Variants in SYNE2 observed in about 807,000 individuals in gnomAD.
SYNE2 encodes nesprin-2.
A neutral mutation model predicts 856.3 loss-of-function variants in SYNE2; 431 were observed. That is an observed-to-expected ratio of 0.50 (90% CI 0.47 to 0.55). The LOEUF is 0.55. Ranked by LOEUF, SYNE2 falls within the 20% of genes least tolerant of loss-of-function variation. The pLI, the probability that SYNE2 is intolerant of heterozygous loss-of-function variation, is 0.00. For missense variants in SYNE2, 8,129 were observed against 8,023.2 expected (o/e 1.01, Z -0.50); for synonymous variants, 2,923 against 2,872.3 (o/e 1.02, Z -0.56).
chr14:64,218,636 C>T (rs2140332600), intron 109 of SYNE2, 124 bp downstream of exon 109: 1 of 875,070 alleles, frequency 1.1e-6, no homozygotes, highest in Non-Finnish European at 1.8e-6. Context: ...ACTTACCCTA[C>T]AACAACCAAT....
chr14:64,215,252 C>T lies in SYNE2; in HGVS notation c.19334-34C>T, dbSNP rs753175237. The stretch of plus-strand genomic sequence containing the variant: ...TACTTGGGCATTAATCTTCAGGCAC[C>T]TCCAGTGAGGCAAATGACATTGTTC... On this transcript the variant is annotated intron_variant, in intron 106 of 115. Coordinates refer to ENST00000555002, the MANE Select transcript of SYNE2 (RefSeq NM_182914.3). 17 of 1,602,128 alleles carry T rather than the reference C, an allele frequency of 1.1e-5. No individual in the cohort carries two copies. The Admixed American group carries it at 2.0e-4, about 19-fold the overall frequency.
At chr14:64,173,815 CA>C (rs1312990905) in intron 94 of SYNE2, 1 of 560,394 alleles carries the variant, frequency 1.8e-6, no homozygotes, top group Non-Finnish European at 3.1e-6. Context: ...CCTCTAAAAC[CA>C]AATGCCTTTG....
chr14:63,975,984 C>G (rs575319381), intron 11 of SYNE2, among the ~76,000 whole-genome samples: 2 of 152,308 alleles, frequency 1.3e-5, no homozygotes, highest in Admixed American at 1.3e-4. Context: ...TTTGGAGAAG[C>G]AAGCAGTCAG....
In SYNE2 at chr14:64,140,059, A is replaced by G. The variant is rs912250826; in HGVS notation, c.14962A>G (p.Ile4988Val). The G allele has an allele frequency of 3.7e-6, 6 of 1,613,636 alleles. No homozygotes were observed. The African/African-American group carries it at 8.0e-5, about 22-fold the overall frequency. Residue 4988 changes from isoleucine to valine, a missense_variant, in exon 80 of 116, where the codon ATC (isoleucine) becomes GTC (valine). This residue lies in a region of SYNE2 where 5,410 missense variants were observed against 5,284.8 expected (regional missense o/e 1.02). Coordinates refer to ENST00000555002, the MANE Select transcript of SYNE2 (RefSeq NM_182914.3). ...SQDLDTIRSNINNFFEFSKEV... is the reference protein window; with the variant it reads ...SQDLDTIRSNVNNFFEFSKEV... ...GGACTTGGATACAATCAGAAGCAAC[A>G]TCAACAATTTTTTTGTAAGTTGTAA...
chr14:63,788,889 A>G (rs1003899068), intron 1 of SYNE2, among the ~76,000 whole-genome samples: 2 of 152,242 alleles, frequency 1.3e-5, no homozygotes, highest in South Asian at 4.1e-4. Context: ...AAATAAGTGT[A>G]TCAAAGAGAT....
chr14:63,981,340 A>G (rs901700853), intron 16 of SYNE2, among the ~76,000 whole-genome samples, 167 bp downstream of exon 16: 3 of 150,956 alleles, frequency 2.0e-5, no homozygotes, highest in Non-Finnish European at 3.0e-5. Flanking sequence ...ATAATTGCCA[A>G]GAGGTAGTTT....
rs113528572 is a variant in SYNE2, at chr14:64,175,272, G to C, written c.17430+134G>C. ...TTCCAACTCAAGCTGTAATCTGTAA[G>C]TCATGCCAGTTACTTAATGTGAAAT... is the stretch of plus-strand genomic sequence containing the variant. On this transcript the variant is annotated intron_variant, in intron 95 of 115. Transcript: ENST00000555002. 6.0e-5 allele frequency: 57 copies of C among 951,962 alleles called. 3 individuals are homozygous for C. Among genetic ancestry groups the C allele is most frequent in the African/African-American group, 4.9e-4 (30 of 61,234 alleles). The allele number at this position is 951,962 out of a possible 1,614,324, so 59.0% of individuals were successfully genotyped here.
rs1373132211 is a variant in SYNE2 at position 63,997,264 on chromosome 14, A to G, written c.3153-37A>G. On this transcript the variant is annotated intron_variant, in intron 24 of 115. Transcript: ENST00000555002. ...TGCTTGTTTAGGTTTCATTTTTCTT[A>G]CCCTCTTTTAAACATGCAATTTTGA... The G allele has an allele frequency of 5.0e-6, 8 of 1,598,532 alleles. No individual in the cohort carries two copies. The Admixed American group carries it at 5.1e-5, about 10-fold the overall frequency.
At chr14:63,895,772 C>A in intron 1 of SYNE2, among the ~76,000 whole-genome samples, 1 of 44,326 alleles carries the variant, frequency 2.3e-5, no homozygotes. Flanking sequence ...GTCTCCAAAT[C>A]TCCAAAAAAA....
chr14:64,159,195 C>T (rs1019310192), intron 86 of SYNE2, 117 bp from the exon 87 acceptor site: 1 of 1,356,014 alleles, frequency 7.4e-7, no homozygotes, highest in Middle Eastern at 1.8e-4. Flanking sequence ...AATAGTTTAT[C>T]AGAGCTGTAA....
At chr14:64,149,701 G>T (rs980078892) in intron 84 of SYNE2, among the ~76,000 whole-genome samples, 5 of 152,278 alleles carry the variant, frequency 3.3e-5, no homozygotes, top group Admixed American at 2.6e-4. Flanking sequence ...ATTTAATGCT[G>T]GTTCTCACAG....
chr14:64,202,998 C>T (rs199953701), intron 100 of SYNE2, 35 bp downstream of exon 100: 123 of 1,611,628 alleles, frequency 7.6e-5, no homozygotes, highest in South Asian at 3.0e-4. Context: ...TGCAAGAGTA[C>T]GGTGTCCGCG....
rs567556910 is a variant in SYNE2, at chr14:64,093,681, C to A, written c.12108+201C>A. Among the ~76,000 whole-genome samples, 4 of 152,260 alleles carry A rather than the reference C, an allele frequency of 2.6e-5. No individual in the cohort carries two copies. The South Asian group carries it at 8.3e-4, about 32-fold the overall frequency. On this transcript the variant is annotated intron_variant, in intron 61 of 115. Coordinates refer to ENST00000555002, the MANE Select transcript of SYNE2 (RefSeq NM_182914.3). The stretch of plus-strand genomic sequence containing the variant: ...ATAGATGATTATATAATTATCATTA[C>A]TAAAAAGTGACAAAATTATAGCCCC...
At chr14:64,008,951 C>A (rs1050617445) in intron 31 of SYNE2, among the ~76,000 whole-genome samples, 1 of 152,154 alleles carries the variant, frequency 6.6e-6, no homozygotes, top group Non-Finnish European at 1.5e-5. Flanking sequence ...CCTGATTCTG[C>A]TCTCAGAATT....
intron 1 of SYNE2, among the ~76,000 whole-genome samples, chr14:63,811,036 C>T (rs546326074): frequency 7.9e-5 from 12 of 152,132 alleles, no homozygotes; most frequent in Admixed American, 3.9e-4. Flanking sequence ...GGGGTTTCAC[C>T]GTGTTAGACA....
intron 1 of SYNE2, among the ~76,000 whole-genome samples, chr14:63,773,534 A>G (rs1380767624): frequency 6.6e-6 from 1 of 152,162 alleles, no homozygotes; most frequent in Non-Finnish European, 1.5e-5. Context: ...TATTTTTAAA[A>G]TAAGTTTTTT....
At chr14:63,799,423 C>T (rs1157463837) in intron 1 of SYNE2, among the ~76,000 whole-genome samples, 1 of 145,384 alleles carries the variant, frequency 6.9e-6, no homozygotes, top group Non-Finnish European at 1.5e-5. Flanking sequence ...TGGCCGGGCG[C>T]GGTGGCTCAT....
intron 66 of SYNE2, among the ~76,000 whole-genome samples, chr14:64,117,421 T>A (rs936353006): frequency 2.0e-5 from 3 of 152,046 alleles, no homozygotes; most frequent in African/African-American, 7.2e-5. Context: ...TGCCCCAGTC[T>A]CCGGAATAGC....
intron 1 of SYNE2, among the ~76,000 whole-genome samples, chr14:63,776,792 G>T (rs1461041844): frequency 6.6e-6 from 1 of 151,726 alleles, no homozygotes; most frequent in Non-Finnish European, 1.5e-5. Flanking sequence ...GTAGAGATGG[G>T]GTTTCACCAT....
Sources: allele counts gnomAD v4.1 joint callset (sites outside exome capture counted in the v4.1 genomes callset), GRCh38; gene constraint gnomAD v4.1.1; regional missense constraint gnomAD v4.1.1; transcripts MANE v1.5; gene names NCBI Gene and HGNC (gene_info 2026-07-23, HGNC 2026-07-21).